C17orf75: variants seen among roughly 807,000 people sequenced by gnomAD.
C17orf75 encodes chromosome 17 open reading frame 75, also known as protein Njmu-R1.
In C17orf75, 32 loss-of-function variants were observed where a neutral mutation model predicts 49.6. The ratio of observed to expected loss-of-function variants is 0.65; its 90% CI spans 0.49 to 0.87. C17orf75 has a LOEUF of 0.87. Ranked by LOEUF, C17orf75 falls within the 40% of genes least tolerant of loss-of-function variation. The pLI is 0.00. For missense variants in C17orf75, 428 were observed against 473.9 expected (o/e 0.90, Z 0.90); for synonymous variants, 158 against 159.5 (o/e 0.99, Z 0.07).
intron 1 of C17orf75, among the ~76,000 whole-genome samples, chr17:32,348,628 T>C (rs2041447276): frequency 6.6e-6 from 1 of 152,194 alleles, no homozygotes; most frequent in Non-Finnish European, 1.5e-5. Context: ...TTTAACTGCC[T>C]TGCCCAAAGT....
At chr17:32,339,698 G>T in intron 3 of C17orf75, 115 bp downstream of exon 3, 2 of 1,405,694 alleles carry the variant, frequency 1.4e-6, no homozygotes, top group Non-Finnish European at 1.9e-6. Context: ...CGGGCTGCCA[G>T]AGAATAAAGA....
upstream of C17orf75, among the ~76,000 whole-genome samples, chr17:32,342,657 C>A (rs970386910): frequency 3.9e-5 from 6 of 152,150 alleles, no homozygotes; most frequent in African/African-American, 1.2e-4. Context: ...ACTAAAAGGC[C>A]GGGCACGGTG....
At chr17:32,343,676 A>G (rs967560125), upstream of C17orf75, 28 of 552,630 alleles carry the variant, frequency 5.1e-5, no homozygotes, top group African/African-American at 5.3e-4. Flanking sequence ...AGTTACTGCC[A>G]TGTCTTCATT....
chr17:32,339,228 T>A (rs564730581), intron 3 of C17orf75, among the ~76,000 whole-genome samples: 170 of 146,236 alleles, frequency 1.2e-3, no homozygotes, highest in African/African-American at 3.9e-3. Context: ...ACTCTGAGTT[T>A]ATTTCCTCAT....
In C17orf75 at chr17:32,334,506, G is replaced by C; in HGVS notation, c.834C>G (p.Ile278Met). The C allele has an allele frequency of 1.2e-6, 2 of 1,612,230 alleles. No homozygotes were observed. Among genetic ancestry groups the C allele is most frequent in the Non-Finnish European group, 1.7e-6 (2 of 1,179,264 alleles). ...MTEEQHKSVV[I>M]DCSSSQPQFC... is the part of the protein sequence containing the mutation. Reference sequence around the variant, plus strand: ...ACTGAGGCTGGGAGCTGCTGCAATCGATGACCACAGACTTATGCTGCTCCT... The same window carrying C: ...ACTGAGGCTGGGAGCTGCTGCAATCCATGACCACAGACTTATGCTGCTCCT... The change falls in exon 8 of 10, where the codon ATC becomes ATG. Residue 278 changes from isoleucine (I) to methionine (M), a missense_variant. Physicochemically the swap from Ile to Met is conservative, Grantham distance 10 (BLOSUM62 1). Coordinates refer to ENST00000577809, the MANE Select transcript of C17orf75 (RefSeq NM_022344.4).
In C17orf75 at chr17:32,331,754, A is replaced by AACAT; in HGVS notation, c.*5_*8dup. ...CAACTTGATCATACAATTATCTCAA[A>AACAT]ACATATGATCAAAAACTTTGGTCAA... On this transcript the variant is annotated 3_prime_UTR_variant, in exon 10 of 10. Coordinates refer to ENST00000577809, the MANE Select transcript of C17orf75 (RefSeq NM_022344.4). 1 of 1,597,402 alleles carries AACAT rather than the reference A, an allele frequency of 6.3e-7. No individual in the cohort carries two copies. The highest frequency in any genetic ancestry group is 8.6e-7 in the Non-Finnish European group (1 of 1,164,948).
Position 32,330,528 on chromosome 17 carries a change from T to C in C17orf75, c.*1235A>G, listed in dbSNP as rs2041264977. ...ATCCCGAGCAAATTGCAATTGTATGTATGTAGCTACATAGGCTTCCATGGG... is the reference window on the plus strand; with the variant it reads ...ATCCCGAGCAAATTGCAATTGTATGCATGTAGCTACATAGGCTTCCATGGG... On this transcript the variant is annotated 3_prime_UTR_variant, in exon 10 of 10. Transcript: ENST00000577809. 1 of 152,226 alleles carries C rather than the reference T, an allele frequency of 6.6e-6. No individual in the cohort carries two copies. The highest frequency in any genetic ancestry group is 2.4e-5 in the African/African-American group (1 of 41,450). The allele number at this position is 152,226 out of a possible 1,614,324, so 9.4% of individuals were successfully genotyped here.
At chr17:32,346,294 C>T (rs1035344772), upstream of C17orf75, among the ~76,000 whole-genome samples, 4 of 152,116 alleles carry the variant, frequency 2.6e-5, no homozygotes, top group African/African-American at 9.7e-5. Flanking sequence ...GTGGCATGGC[C>T]CTGTAGTCCC....
intron 4 of C17orf75, 50 bp from the exon 5 acceptor site, chr17:32,338,004 A>G: frequency 6.5e-7 from 1 of 1,543,658 alleles, no homozygotes; most frequent in Non-Finnish European, 8.9e-7. Flanking sequence ...ACAGTATTTC[A>G]TCTCTCAACA....
At chr17:32,348,569 T>C (rs1285541467) in intron 1 of C17orf75, among the ~76,000 whole-genome samples, 2 of 152,208 alleles carry the variant, frequency 1.3e-5, no homozygotes, top group African/African-American at 2.4e-5. Context: ...TTTACATTAC[T>C]AGTTATTATT....
upstream of C17orf75, among the ~76,000 whole-genome samples, chr17:32,346,724 C>T (rs1387814354): frequency 1.3e-5 from 2 of 152,166 alleles, no homozygotes; most frequent in African/African-American, 4.8e-5. Flanking sequence ...AGGCACACGC[C>T]ACTAGGCCCA....
chr17:32,340,089 A>G (rs1389259186), intron 2 of C17orf75, 151 bp from the exon 3 acceptor site: 1 of 820,398 alleles, frequency 1.2e-6, no homozygotes. Context: ...CTAGGAATGT[A>G]TGTCACTAAG....
At chr17:32,333,581 T>C in intron 8 of C17orf75, 61 bp from the exon 9 acceptor site, 1 of 1,445,804 alleles carries the variant, frequency 6.9e-7, no homozygotes. Flanking sequence ...ATTTATTTAT[T>C]TATTTGAGAC....
chr17:32,344,773 G>T (rs189023252), upstream of C17orf75, among the ~76,000 whole-genome samples: 1 of 151,954 alleles, frequency 6.6e-6, no homozygotes, highest in Admixed American at 6.6e-5. Context: ...CTGGCATGGT[G>T]GCACACACCT....
At chr17:32,349,086 G>A (rs2041456040) in intron 1 of C17orf75, among the ~76,000 whole-genome samples, 1 of 151,448 alleles carries the variant, frequency 6.6e-6, no homozygotes, top group African/African-American at 2.4e-5. Flanking sequence ...GGCTGGTCTC[G>A]AACTCCTGAC....
chr17:32,337,846 T>C (rs2041340584), intron 5 of C17orf75, 51 bp downstream of exon 5: 3 of 1,532,748 alleles, frequency 2.0e-6, no homozygotes. Flanking sequence ...CGTGAGCCAC[T>C]GAGCCTGGCC....
rs1567801271 is a variant in C17orf75, at chr17:32,331,718, A to C, written c.*45T>G. On this transcript the variant is annotated 3_prime_UTR_variant, in exon 10 of 10. Transcript: ENST00000577809. ...TATAACTGCAATTTCAAACACTAAGACTTAAATATACAACTTGATCATACA... is the reference window on the plus strand; with the variant it reads ...TATAACTGCAATTTCAAACACTAAGCCTTAAATATACAACTTGATCATACA... 1.4e-6 allele frequency: 2 copies of C among 1,468,612 alleles called. No homozygotes were observed. Among genetic ancestry groups the C allele is most frequent in the Non-Finnish European group, 1.9e-6 (2 of 1,050,192 alleles). The allele number at this position is 1,468,612 out of a possible 1,614,324, so 91.0% of individuals were successfully genotyped here.
intron 9 of C17orf75, among the ~76,000 whole-genome samples, chr17:32,333,154 G>A (rs556526837): frequency 2.6e-5 from 4 of 152,180 alleles, no homozygotes; most frequent in Non-Finnish European, 5.9e-5. Context: ...CAGTTTTTTT[G>A]TGCTTTCCAA....
chr17:32,332,343 T>C (rs1181238342), intron 9 of C17orf75, among the ~76,000 whole-genome samples: 3 of 152,164 alleles, frequency 2.0e-5, no homozygotes, highest in African/African-American at 4.8e-5. Context: ...GGTTTCACCA[T>C]GTTGGTCAGG....
Sources: allele counts gnomAD v4.1 joint callset (sites outside exome capture counted in the v4.1 genomes callset), GRCh38; gene constraint gnomAD v4.1.1; transcripts MANE v1.5; gene names NCBI Gene and HGNC (gene_info 2026-07-23, HGNC 2026-07-21).